The following HECA variants were observed in gnomAD, a reference collection of about 807,000 sequenced individuals.
HECA encodes headcase protein homolog.
In HECA, 13 loss-of-function variants were observed where a neutral mutation model predicts 37.6. The ratio of observed to expected loss-of-function variants is 0.35; its 90% confidence interval spans 0.23 to 0.55. The LOEUF (loss-of-function observed/expected upper bound fraction) is 0.55. Ranked by LOEUF, HECA falls within the 20% of genes least tolerant of loss-of-function variation. HECA has a pLI of 0.90. For missense variants in HECA, 527 were observed against 701.9 expected, an observed-to-expected ratio of 0.75 and a Z score of 2.82; for synonymous variants, 307 against 291.5, an observed-to-expected ratio of 1.05 and a Z score of -0.54.
At chr6:139,160,205 A>G (rs1774777996) in intron 1 of HECA, among the ~76,000 whole-genome samples, 1 of 152,208 alleles carries the variant, frequency 6.6e-6, no homozygotes, top group Non-Finnish European at 1.5e-5. Context: ...GGTACTGACT[A>G]CTTGATGATG....
chr6:139,139,565 T>C (rs564394732), intron 1 of HECA, among the ~76,000 whole-genome samples: 1 of 152,092 alleles, frequency 6.6e-6, no homozygotes, highest in Non-Finnish European at 1.5e-5. Context: ...GGAAGCAGGA[T>C]TGGGCAGAAG....
chr6:139,161,724 A>C (rs1195519213), intron 1 of HECA, among the ~76,000 whole-genome samples: 1 of 152,280 alleles, frequency 6.6e-6, no homozygotes, highest in African/African-American at 2.4e-5. Flanking sequence ...AATGTTAGTT[A>C]GATCTTCCTT....
chr6:139,156,045 T>C (rs1774708057), intron 1 of HECA, among the ~76,000 whole-genome samples: 1 of 151,888 alleles, frequency 6.6e-6, no homozygotes, highest in Admixed American at 6.6e-5. Flanking sequence ...TAAATATGTT[T>C]ATATTTTATA....
At chr6:139,141,800 T>C (rs1345207988) in intron 1 of HECA, among the ~76,000 whole-genome samples, 2 of 149,566 alleles carry the variant, frequency 1.3e-5, no homozygotes, top group Non-Finnish European at 3.0e-5. Flanking sequence ...GTCACCAGGC[T>C]AGAGTGTAGT....
intron 2 of HECA, among the ~76,000 whole-genome samples, chr6:139,168,566 T>C (rs1251131887): frequency 6.6e-6 from 1 of 152,060 alleles, no homozygotes; most frequent in African/African-American, 2.4e-5. Context: ...TCGTGGAGAC[T>C]CTTACCCTCC....
At chr6:139,150,466 AGT>A (rs953859270) in intron 1 of HECA, among the ~76,000 whole-genome samples, 2 of 104,866 alleles carry the variant, frequency 1.9e-5, no homozygotes, top group Admixed American at 9.1e-5. Flanking sequence ...TGGGGGTGAG[AGT>A]GGGGCTAAAA....
intron 2 of HECA, among the ~76,000 whole-genome samples, chr6:139,168,737 C>G (rs1459502476): frequency 6.6e-6 from 1 of 152,152 alleles, no homozygotes; most frequent in African/African-American, 2.4e-5. Flanking sequence ...AAACATCCCC[C>G]AGGAGCTTTT....
At chr6:139,141,149 AC>A (rs1562242159) in intron 1 of HECA, among the ~76,000 whole-genome samples, 1 of 152,170 alleles carries the variant, frequency 6.6e-6, no homozygotes, top group East Asian at 1.9e-4. Context: ...TTATTATTTT[AC>A]CAGTAATGAA....
At chr6:139,148,723 G>C (rs563070184) in intron 1 of HECA, among the ~76,000 whole-genome samples, 1 of 151,896 alleles carries the variant, frequency 6.6e-6, no homozygotes. Context: ...CTGAGATCAT[G>C]CCTCTAAACT....
chr6:139,172,748 A>G (rs988048002), intron 2 of HECA, among the ~76,000 whole-genome samples: 1 of 152,200 alleles, frequency 6.6e-6, no homozygotes, highest in African/African-American at 2.4e-5. Flanking sequence ...TGGACTTGCT[A>G]CTTAAATCTT....
At chr6:139,144,729 T>C (rs1774561181) in intron 1 of HECA, 1 of 152,232 alleles carries the variant, frequency 6.6e-6, no homozygotes. Context: ...TTAATATAAC[T>C]AATAAAGGAT....
chr6:139,158,662 C>T (rs1203138205), intron 1 of HECA, among the ~76,000 whole-genome samples: 1 of 126,928 alleles, frequency 7.9e-6, no homozygotes, highest in African/African-American at 3.2e-5. Flanking sequence ...CAGAGCAAGA[C>T]CCTGTCTCAA....
intron 1 of HECA, chr6:139,155,774 A>G (rs1210337415): frequency 4.6e-5 from 7 of 152,208 alleles, no homozygotes; most frequent in African/African-American, 1.7e-4. Context: ...AACAAGAGAA[A>G]AGGCAGCCTG....
In HECA at chr6:139,166,744, C is replaced by T. The variant is rs1244591785; in HGVS notation, c.732C>T (p.Ser244=). 8 of 1,613,536 alleles carry T rather than the reference C, an allele frequency of 5.0e-6. No individual in the cohort carries two copies. The highest frequency in any genetic ancestry group is 6.8e-6 in the Non-Finnish European group (8 of 1,179,832). The change falls in exon 2 of 4, where the codon TCC becomes TCT. Residue 244 remains serine (S), a synonymous_variant. Transcript: ENST00000367658. ...GPSHDLPRRH[S]MDRQNSQEKA... is the part of the protein sequence containing the mutation. ...GCCACGACCTCCCCCGCCGGCATTC[C>T]ATGGACCGGCAGAACTCCCAGGAGA...
intron 1 of HECA, among the ~76,000 whole-genome samples, chr6:139,138,106 A>G (rs745670217): frequency 6.6e-6 from 1 of 152,130 alleles, no homozygotes; most frequent in Admixed American, 6.6e-5. Flanking sequence ...TGGGTGCAAA[A>G]TCAAATGCTT....
chr6:139,147,894 G>T (rs1774604975), intron 1 of HECA, among the ~76,000 whole-genome samples: 1 of 152,172 alleles, frequency 6.6e-6, no homozygotes, highest in African/African-American at 2.4e-5. Context: ...TTGCCAAACT[G>T]CTCCTACAGA....
chr6:139,142,654 G>C (rs1176252677), intron 1 of HECA, among the ~76,000 whole-genome samples: 1 of 152,158 alleles, frequency 6.6e-6, no homozygotes, highest in Non-Finnish European at 1.5e-5. Context: ...ATTTTAAAAA[G>C]TAGTAATGGT....
chr6:139,145,965 A>T (rs917978303), intron 1 of HECA, among the ~76,000 whole-genome samples: 36 of 152,194 alleles, frequency 2.4e-4, no homozygotes, highest in Admixed American at 1.8e-3. Flanking sequence ...AAGAGATTTC[A>T]GGAACTTAAT....
At chr6:139,171,241 G>A (rs1774968342) in intron 2 of HECA, among the ~76,000 whole-genome samples, 1 of 152,164 alleles carries the variant, frequency 6.6e-6, no homozygotes, top group Admixed American at 6.5e-5. Flanking sequence ...GAAAAAAAAG[G>A]AAGGAGGATA....
Sources: gnomAD v4.1 joint callset for allele counts (sites outside exome capture counted in the v4.1 genomes callset) on GRCh38, gnomAD v4.1.1 for gene constraint, MANE v1.5 for transcripts, NCBI Gene and HGNC (gene_info 2026-07-23, HGNC 2026-07-21) for gene names.